SKAP2: variants seen among roughly 807,000 people sequenced by gnomAD.
SKAP2 encodes the protein src kinase associated phosphoprotein 2, also known as src kinase-associated phosphoprotein 2.
SKAP2 carries 28 observed loss-of-function variants against 54.9 expected under a neutral mutation model. That is an observed-to-expected ratio of 0.51 (90% CI 0.38 to 0.70). SKAP2 has a LOEUF of 0.70. Among genes scored for constraint, SKAP2 ranks in the 30% least tolerant of loss-of-function variants. SKAP2 has a pLI of 0.00. For synonymous variants in SKAP2, 137 were observed against 134.3 expected, an observed-to-expected ratio of 1.02 and a Z score of -0.14; for missense variants, 356 against 424.1, an observed-to-expected ratio of 0.84 and a Z score of 1.41.
At position 26,839,577 on chromosome 7, in the gene SKAP2, T is replaced by C. The variant is rs538583468; in HGVS notation, c.307+4453A>G. ...ATATGATAGTGGGTTAAAAACACCC[T>C]AAATGCTAAGTTATTGAAAAATTTT... On this transcript the variant is annotated intron_variant, in intron 4 of 12. Coordinates refer to ENST00000345317, the MANE Select transcript of SKAP2 (RefSeq NM_003930.5). 1.1e-4 allele frequency among the ~76,000 whole-genome samples: 16 copies of C among 152,244 alleles called. 1 individual carries two copies. In the South Asian group the frequency reaches 3.3e-3, roughly 32 times the overall value.
intron 4 of SKAP2, among the ~76,000 whole-genome samples, chr7:26,808,044 T>C (rs929930426): frequency 1.3e-5 from 2 of 152,184 alleles, no homozygotes; most frequent in Admixed American, 6.5e-5. Context: ...ATTGCAGTGG[T>C]CTGAAACCAA....
At chr7:26,708,349 T>G (rs945916782) in intron 9 of SKAP2, among the ~76,000 whole-genome samples, 1 of 152,184 alleles carries the variant, frequency 6.6e-6, no homozygotes, top group East Asian at 1.9e-4. Context: ...CTTTGGAAAG[T>G]CTTTTTTTAT....
chr7:26,851,875 T>C (rs999187609), intron 3 of SKAP2, among the ~76,000 whole-genome samples: 10 of 152,160 alleles, frequency 6.6e-5, no homozygotes, highest in Non-Finnish European at 1.2e-4. Flanking sequence ...AACCGACTTA[T>C]TAGATATGAA....
intron 4 of SKAP2, among the ~76,000 whole-genome samples, chr7:26,795,328 AC>A (rs1268644331): frequency 6.6e-6 from 1 of 152,216 alleles, no homozygotes; most frequent in African/African-American, 2.4e-5. Flanking sequence ...GGATGAACAT[AC>A]TAAGTGTTAT....
At position 26,701,006 on chromosome 7, in the gene SKAP2, C is replaced by G. The variant is rs1305662502; in HGVS notation, c.797-10644G>C. Among the ~76,000 whole-genome samples the G allele has an allele frequency of 2.0e-5, 3 of 152,278 alleles. No individual in the cohort carries two copies. The East Asian group carries it at 5.8e-4, about 29-fold the overall frequency. ...ACTCTGGGAAGCAGCTGGCCTCTCT[C>G]CCCTTTGTGTTCTCACAGACTTGGT... On this transcript the variant is annotated intron_variant, in intron 9 of 12. Coordinates refer to ENST00000345317, the MANE Select transcript of SKAP2 (RefSeq NM_003930.5).
intron 4 of SKAP2, among the ~76,000 whole-genome samples, chr7:26,748,630 C>T (rs1173120106): frequency 6.6e-6 from 1 of 151,978 alleles, no homozygotes; most frequent in Non-Finnish European, 1.5e-5. Flanking sequence ...AAATAATAGC[C>T]TTTTTAAAAA....
intron 11 of SKAP2, among the ~76,000 whole-genome samples, chr7:26,678,761 C>A (rs752715245): frequency 2.6e-5 from 4 of 152,012 alleles, no homozygotes; most frequent in Non-Finnish European, 5.9e-5. Context: ...TCCTTGATAG[C>A]TGAATACTCA....
At chr7:26,824,411 G>A (rs566219574) in intron 4 of SKAP2, among the ~76,000 whole-genome samples, 1 of 152,234 alleles carries the variant, frequency 6.6e-6, no homozygotes, top group East Asian at 1.9e-4. Flanking sequence ...GCTCAGTATT[G>A]CCAGACTATC....
chr7:26,690,874 G>A (rs1179774452), intron 9 of SKAP2, among the ~76,000 whole-genome samples: 1 of 152,126 alleles, frequency 6.6e-6, no homozygotes, highest in African/African-American at 2.4e-5. Context: ...TAAAAATGCA[G>A]TTAACCTATA....
intron 6 of SKAP2, among the ~76,000 whole-genome samples, chr7:26,728,431 C>T (rs1362444654): frequency 2.6e-5 from 4 of 151,942 alleles, no homozygotes; most frequent in Non-Finnish European, 4.4e-5. Context: ...TATTTGTCCG[C>T]GGAATCATTT....
intron 9 of SKAP2, among the ~76,000 whole-genome samples, chr7:26,708,470 C>T (rs975996606): frequency 2.0e-5 from 3 of 152,056 alleles, no homozygotes; most frequent in East Asian, 1.9e-4. Flanking sequence ...ATATGAACTC[C>T]CGTTTCCCTA....
rs1783913118 is a variant in SKAP2, at chr7:26,801,459, G to T, written c.307+42571C>A. 2.0e-5 allele frequency among the ~76,000 whole-genome samples: 3 copies of T among 152,144 alleles called. No individual in the cohort carries two copies. In the South Asian group the frequency reaches 6.2e-4, roughly 32 times the overall value. On this transcript the variant is annotated intron_variant, in intron 4 of 12. Coordinates refer to ENST00000345317, the MANE Select transcript of SKAP2 (RefSeq NM_003930.5). The stretch of plus-strand genomic sequence containing the variant: ...CTAAAATCTGGAACACGACAAAGAT[G>T]CCCATTGTCACTGCTGTTATTCAAC...
At chr7:26,663,380 T>A (rs137914492), downstream of SKAP2, among the ~76,000 whole-genome samples, 236 of 152,162 alleles carry the variant, frequency 1.6e-3, 1 homozygote, top group African/African-American at 5.5e-3. Flanking sequence ...AAGTACAAAA[T>A]TATTTAAAAA....
At chr7:26,815,895 T>G (rs752150567) in intron 4 of SKAP2, among the ~76,000 whole-genome samples, 2 of 152,114 alleles carry the variant, frequency 1.3e-5, no homozygotes, top group Non-Finnish European at 2.9e-5. Flanking sequence ...CTGACCCAAC[T>G]GCATAAAATC....
chr7:26,748,852 T>C (rs1306367441), intron 4 of SKAP2, among the ~76,000 whole-genome samples: 1 of 152,160 alleles, frequency 6.6e-6, no homozygotes, highest in African/African-American at 2.4e-5. Context: ...TAGAATCACG[T>C]TCAAAACCCT....
At chr7:26,848,678 G>A (rs1784976972) in intron 3 of SKAP2, among the ~76,000 whole-genome samples, 1 of 152,112 alleles carries the variant, frequency 6.6e-6, no homozygotes, top group Non-Finnish European at 1.5e-5. Context: ...TTACTCTAAT[G>A]AAAATAAATT....
chr7:26,693,332 C>CAAAAAAA (rs34775523), intron 9 of SKAP2, among the ~76,000 whole-genome samples: 3 of 79,870 alleles, frequency 3.8e-5, no homozygotes, highest in East Asian at 4.5e-4. Context: ...AGCTCCATCT[C>CAAAAAAA]AAAAAAAAAA....
intron 3 of SKAP2, among the ~76,000 whole-genome samples, chr7:26,852,388 G>A (rs539949929): frequency 3.9e-5 from 6 of 152,208 alleles, no homozygotes; most frequent in Non-Finnish European, 7.4e-5. Flanking sequence ...AGTACACAAT[G>A]GCATAAAAGT....
intron 11 of SKAP2, among the ~76,000 whole-genome samples, chr7:26,684,338 CAT>C (rs1188642641): frequency 1.3e-5 from 2 of 152,090 alleles, no homozygotes; most frequent in African/African-American, 4.8e-5. Flanking sequence ...GTTCTATAAA[CAT>C]AGTGTTTCCA....
Sources: allele counts gnomAD v4.1 joint callset (sites outside exome capture counted in the v4.1 genomes callset), GRCh38; gene constraint gnomAD v4.1.1; transcripts MANE v1.5; gene names NCBI Gene and HGNC (gene_info 2026-07-23, HGNC 2026-07-21).